MINK1: variants seen among roughly 807,000 people sequenced by gnomAD.
MINK1 encodes the protein misshapen-like kinase 1.
A neutral mutation model predicts 178.4 loss-of-function variants in MINK1; 46 were observed. That is an observed-to-expected ratio of 0.26 (90% CI 0.20 to 0.33). The LOEUF is 0.33. Among genes scored for constraint, MINK1 ranks in the 10% least tolerant of loss-of-function variants. MINK1 has a pLI of 1.00. For synonymous variants in MINK1, 797 were observed against 709.7 expected (o/e 1.12, Z -1.96); for missense variants, 1,366 against 1,814.9 (o/e 0.75, Z 4.49).
chr17:4,866,542 C>A (rs563285446), intron 1 of MINK1, among the ~76,000 whole-genome samples: 1 of 151,614 alleles, frequency 6.6e-6, no homozygotes, highest in Non-Finnish European at 1.5e-5. Context: ...GAACACACAG[C>A]CTGTTGGCAG....
In MINK1 at chr17:4,896,928, C is replaced by T. The variant is rs1273423654; in HGVS notation, c.3915+115C>T. 5 of 1,364,256 alleles carry T rather than the reference C, an allele frequency of 3.7e-6. No homozygotes were observed. The highest frequency in any genetic ancestry group is 5.0e-5 in the East Asian group (2 of 39,698). The allele number at this position is 1,364,256 out of a possible 1,614,324, so 84.5% of individuals were successfully genotyped here. A position where few individuals can be genotyped will look rare whatever the true frequency, so the allele number is the denominator to read the frequency against. On this transcript the variant is annotated intron_variant, in intron 31 of 31. Transcript: ENST00000355280. This position sits in a 1 kb window ranked among gnomAD's most constrained non-coding sequence, Gnocchi z 4.6. ...GGTGGCTTCCTGAAAGCGGGCCCCT[C>T]TGGGAGCTCAGAGGGCAGTCAGCCA...
chr17:4,896,955 T>C lies in MINK1; in HGVS notation c.3915+142T>C, dbSNP rs563547266. ...GGGAGCTCAGAGGGCAGTCAGCCAC[T>C]ACCACTGCCCTGCGCTCCCTTCAGA... On this transcript the variant is annotated intron_variant, in intron 31 of 31. Transcript: ENST00000355280. The surrounding 1 kb of genome is among the most constrained non-coding windows in gnomAD (Gnocchi z 4.6). 21 of 1,161,786 alleles carry C rather than the reference T, an allele frequency of 1.8e-5. No individual in the cohort carries two copies. In the South Asian group the frequency reaches 3.3e-4, roughly 18 times the overall value. 72.0% of individuals were successfully genotyped at this position (1,161,786 alleles called of 1,614,324 possible). A position where few individuals can be genotyped will look rare whatever the true frequency, so the allele number is the denominator to read the frequency against.
chr17:4,841,186 T>C (rs952416075), intron 1 of MINK1, among the ~76,000 whole-genome samples: 3 of 152,122 alleles, frequency 2.0e-5, no homozygotes, highest in Non-Finnish European at 4.4e-5. Context: ...CACCAAATGC[T>C]TTTTGGTTCT....
At chr17:4,893,213 C>G (rs1969047703) in intron 20 of MINK1, 146 bp downstream of exon 20, 1 of 1,591,592 alleles carries the variant, frequency 6.3e-7, no homozygotes. Context: ...TGGTGCTAAC[C>G]TTTCCTAACC....
chr17:4,868,547 T>G (rs2150931375), intron 1 of MINK1, among the ~76,000 whole-genome samples: 1 of 152,306 alleles, frequency 6.6e-6, no homozygotes, highest in East Asian at 1.9e-4. Flanking sequence ...TCACTTAACA[T>G]AATATCCTCT....
At chr17:4,844,162 G>GT (rs1265945087) in intron 1 of MINK1, among the ~76,000 whole-genome samples, 1 of 151,914 alleles carries the variant, frequency 6.6e-6, no homozygotes, top group Non-Finnish European at 1.5e-5. Context: ...CACCACACCT[G>GT]GCTAATTTTT....
chr17:4,896,645 C>G lies in MINK1; in HGVS notation c.3776-29C>G. On this transcript the variant is annotated intron_variant, in intron 30 of 31. Transcript: ENST00000355280. The surrounding 1 kb of genome is among the most constrained non-coding windows in gnomAD (Gnocchi z 4.6). Reference sequence around the variant, plus strand: ...CCCCGAGGTGGCCCCGGGGTGCAGCCTGCTCAGCCCCTCACCTGTTCCCCA... The same window carrying G: ...CCCCGAGGTGGCCCCGGGGTGCAGCGTGCTCAGCCCCTCACCTGTTCCCCA... The G allele has an allele frequency of 2.5e-6, 4 of 1,607,852 alleles. No homozygotes were observed. The highest frequency in any genetic ancestry group is 1.1e-5 in the South Asian group (1 of 90,292).
rs576676808 is a variant in MINK1, at chr17:4,896,445, C to T, written c.3632C>T (p.Thr1211Met). The T allele has an allele frequency of 2.0e-5, 32 of 1,613,908 alleles. No individual in the cohort carries two copies. The highest frequency in any genetic ancestry group is 1.6e-4 in the East Asian group (7 of 44,884). ...YIPVHIQSQI[T>M]PHAIIFLPNT... ...TCTCCCCAGATCCAGAGCCAGATCA[C>T]GCCCCATGCCATCATCTTCCTCCCC... The change falls in exon 30 of 32, where the codon ACG becomes ATG. Residue 1211 changes from threonine (T) to methionine (M), a missense_variant. Transcript: ENST00000355280. This position sits in a 1 kb window ranked among gnomAD's most constrained non-coding sequence, Gnocchi z 4.6.
In MINK1 at chr17:4,890,704, A is replaced by G. The variant is rs1402898927; in HGVS notation, c.1535A>G (p.Asn512Ser). 4 of 1,548,786 alleles carry G rather than the reference A, an allele frequency of 2.6e-6. No homozygotes were observed. Among genetic ancestry groups the G allele is most frequent in the Non-Finnish European group, 3.5e-6 (4 of 1,145,808 alleles). ...CTGTACCATTATGGTCGGGGCATGA[A>G]TCCCGCTGACAAACCAGCCTGGGCC... ...KPLYHYGRGMNPADKPAWARE... is the reference protein window; with the variant it reads ...KPLYHYGRGMSPADKPAWARE... The change falls in exon 14 of 32, where the codon AAT becomes AGT. Residue 512 changes from asparagine to serine, a missense_variant. Transcript: ENST00000355280.
intron 1 of MINK1, among the ~76,000 whole-genome samples, chr17:4,873,305 C>T (rs1187007925): frequency 6.6e-6 from 1 of 151,550 alleles, no homozygotes; most frequent in Non-Finnish European, 1.5e-5. Flanking sequence ...CCTTTAACAT[C>T]CCCAATTCAA....
At chr17:4,855,271 G>C (rs1302392787) in intron 1 of MINK1, among the ~76,000 whole-genome samples, 2 of 150,626 alleles carry the variant, frequency 1.3e-5, no homozygotes, top group Non-Finnish European at 2.9e-5. Flanking sequence ...TGGATCACGA[G>C]GTCAGGAGAT....
chr17:4,885,800 G>T lies in MINK1; in HGVS notation c.640-111G>T. 1 of 1,428,936 alleles carries T rather than the reference G, an allele frequency of 7.0e-7. No individual in the cohort carries two copies. The allele number at this position is 1,428,936 out of a possible 1,614,324, so 88.5% of individuals were successfully genotyped here. On this transcript the variant is annotated intron_variant, in intron 7 of 31. Coordinates refer to ENST00000355280, the MANE Select transcript of MINK1 (RefSeq NM_153827.5). This position sits in a 1 kb window ranked among gnomAD's most constrained non-coding sequence, Gnocchi z 5.0. ...GGATGGGTTGGAAGGCACTGCTGCAGGAATGGGTGTGGCCCAGGAAGGCTC... is the reference window on the plus strand; with the variant it reads ...GGATGGGTTGGAAGGCACTGCTGCATGAATGGGTGTGGCCCAGGAAGGCTC...
rs115721739 is a variant in MINK1 at position 4,893,776 on chromosome 17, C to A, written c.2564+179C>A. The A allele has an allele frequency of 7.7e-3, 8,038 of 1,040,564 alleles. 419 individuals are homozygous for A. The African/African-American group carries it at 0.11, about 14-fold the overall frequency. 64.5% of individuals were successfully genotyped at this position (1,040,564 alleles called of 1,614,324 possible). A position where few individuals can be genotyped will look rare whatever the true frequency, so the allele number is the denominator to read the frequency against. ...CGCTGCCCTGTGTGTTGTGGGGTGG[C>A]CTCTTCAAGTGCCTGTCTGCCCCTG... On this transcript the variant is annotated intron_variant, in intron 21 of 31. Transcript: ENST00000355280.
At chr17:4,841,415 A>G (rs750983736) in intron 1 of MINK1, among the ~76,000 whole-genome samples, 5 of 152,064 alleles carry the variant, frequency 3.3e-5, no homozygotes, top group Non-Finnish European at 5.9e-5. Flanking sequence ...GGAGTTTTCT[A>G]TGAACAGCGG....
intron 1 of MINK1, among the ~76,000 whole-genome samples, chr17:4,874,818 C>T (rs1351228769): frequency 6.6e-6 from 1 of 152,200 alleles, no homozygotes; most frequent in Middle Eastern, 3.4e-3. Flanking sequence ...CATTAAATGT[C>T]GATATCTGAA....
chr17:4,889,750 C>G lies in MINK1; in HGVS notation c.1334C>G (p.Ala445Gly). 2 of 1,539,488 alleles carry G rather than the reference C, an allele frequency of 1.3e-6. No homozygotes were observed. The highest frequency in any genetic ancestry group is 8.7e-7 in the Non-Finnish European group (1 of 1,145,522). ...CGGCGGGAGGAGGAGCGGCGGCAGG[C>G]GGAGCGCGAGCAGGTAGAGCGCCGC... ...ALRREEERRQ[A>G]EREQEYKRKQ... Residue 445 changes from alanine (A) to glycine (G), a missense_variant, in exon 13 of 32, where the codon GCG becomes GGG. Transcript: ENST00000355280.
intron 1 of MINK1, among the ~76,000 whole-genome samples, chr17:4,850,756 A>G (rs1342314231): frequency 1.3e-5 from 2 of 152,174 alleles, no homozygotes. Flanking sequence ...CCTGACTCCC[A>G]CAGAAGGAGG....
At chr17:4,883,731 G>A (rs1967939726) in intron 4 of MINK1, among the ~76,000 whole-genome samples, 1 of 149,004 alleles carries the variant, frequency 6.7e-6, no homozygotes, top group African/African-American at 2.5e-5. Flanking sequence ...GTAGAGACAG[G>A]GTTTCACCGT....
At chr17:4,892,337 G>GC in intron 17 of MINK1, 65 bp from the exon 18 acceptor site, 2 of 1,463,938 alleles carry the variant, frequency 1.4e-6, no homozygotes. Context: ...GGGTGGGAAA[G>GC]CCCCAGCCCC....
Sources: gnomAD v4.1 joint callset for allele counts (sites outside exome capture counted in the v4.1 genomes callset) on GRCh38, gnomAD v4.1.1 for gene constraint, Gnocchi (gnomAD v3.1) non-coding constraint, MANE v1.5 for transcripts, NCBI Gene and HGNC (gene_info 2026-07-23, HGNC 2026-07-21) for gene names.